Variants in APOBEC2 observed in about 807,000 individuals in gnomAD.
The protein encoded by APOBEC2 is C->U-editing enzyme APOBEC-2.
In APOBEC2, 14 loss-of-function variants were observed where a neutral mutation model predicts 19.4. The observed-to-expected ratio is 0.72, with a 90% confidence interval of 0.48 to 1.13. APOBEC2 has a LOEUF of 1.13. Among genes scored for constraint, APOBEC2 ranks in the 50% most tolerant of loss-of-function variants. APOBEC2 has a pLI of 0.00. For synonymous variants in APOBEC2, 127 were observed against 112.1 expected (o/e 1.13, Z -0.84); for missense variants, 304 against 277.0 (o/e 1.10, Z -0.69).
At chr6:41,056,072 C>T (rs1762790485) in intron 1 of APOBEC2, among the ~76,000 whole-genome samples, 1 of 152,168 alleles carries the variant, frequency 6.6e-6, no homozygotes, top group African/African-American at 2.4e-5. Flanking sequence ...CTGAAGGATA[C>T]AATTTGAGGC....
chr6:41,057,889 T>C (rs1299899131), intron 1 of APOBEC2, among the ~76,000 whole-genome samples: 1 of 152,186 alleles, frequency 6.6e-6, no homozygotes, highest in Non-Finnish European at 1.5e-5. Context: ...TTCCCAATTT[T>C]TTTTCTAGAT....
At chr6:41,053,557 T>C in intron 1 of APOBEC2, 79 bp downstream of exon 1, 3 of 1,582,296 alleles carry the variant, frequency 1.9e-6, no homozygotes, top group Non-Finnish European at 2.6e-6. Context: ...TTCAGGATGG[T>C]TATATTAGGC....
intron 2 of APOBEC2, among the ~76,000 whole-genome samples, chr6:41,063,126 T>C (rs73733358): frequency 0.028 from 4,235 of 152,280 alleles, 152 homozygotes; most frequent in East Asian, 0.099. Flanking sequence ...TGGCAGGTGT[T>C]TTCTATTAGA....
At chr6:41,062,487 C>T (rs2268190) in intron 2 of APOBEC2, among the ~76,000 whole-genome samples, 59,835 of 152,088 alleles carry the variant, frequency 0.39, 12,409 homozygotes, top group African/African-American at 0.52. Context: ...AGGAGACCAA[C>T]AATTGCTGTG....
intron 1 of APOBEC2, among the ~76,000 whole-genome samples, chr6:41,056,601 G>A (rs2268195): frequency 0.39 from 59,164 of 152,104 alleles, 12,161 homozygotes; most frequent in African/African-American, 0.51. Context: ...AACCAGAGAG[G>A]ATTCTTTTTA....
At chr6:41,058,808 TTTAGTC>T (rs888930600) in intron 1 of APOBEC2, among the ~76,000 whole-genome samples, 13 of 152,166 alleles carry the variant, frequency 8.5e-5, no homozygotes, top group African/African-American at 3.1e-4. Context: ...ATCAAGCAAG[TTTAGTC>T]TCTGAGCAAG....
At chr6:41,055,802 G>A (rs867868881) in intron 1 of APOBEC2, among the ~76,000 whole-genome samples, 5 of 152,234 alleles carry the variant, frequency 3.3e-5, no homozygotes, top group South Asian at 4.1e-4. Context: ...CTGCCGTAGC[G>A]TGCTGAAGCC....
chr6:41,061,438 G>T lies in APOBEC2; in HGVS notation c.242G>T (p.Gly81Val), dbSNP rs774303885. The T allele has an allele frequency of 1.9e-6, 3 of 1,612,990 alleles. No individual in the cohort carries two copies. In the South Asian group the frequency reaches 3.3e-5, roughly 18 times the overall value. The change falls in exon 2 of 3, where the codon GGC (glycine) becomes GTC (valine). Residue 81 changes from glycine (G) to valine (V), a missense_variant. Transcript: ENST00000244669. The part of the protein sequence containing the change: ...CYVVEAQGKG[G>V]QVQASRGYLE... ...GTGGTTGAAGCACAGGGCAAGGGGG[G>T]CCAAGTGCAGGCATCTCGGGGATAC...
intron 1 of APOBEC2, among the ~76,000 whole-genome samples, chr6:41,057,135 A>C (rs967958645): frequency 1.3e-5 from 2 of 152,196 alleles, no homozygotes; most frequent in Admixed American, 1.3e-4. Flanking sequence ...ACACAGAGTG[A>C]TTCTTCTTCT....
In APOBEC2 at chr6:41,061,735, A is replaced by T; in HGVS notation, c.539A>T (p.Lys180Met). ...KEAGCKLRIMKPQDFEYVWQN... is the reference protein window; with the variant it reads ...KEAGCKLRIMMPQDFEYVWQN... Reference sequence around the variant, plus strand: ...GCTGGCTGTAAACTGCGCATCATGAAGCCCCAGGACTTCGAATATGTCTGG... The same window carrying T: ...GCTGGCTGTAAACTGCGCATCATGATGCCCCAGGACTTCGAATATGTCTGG... Residue 180 changes from lysine (K) to methionine (M), a missense_variant, in exon 2 of 3, where the codon AAG (lysine) becomes ATG (methionine). Transcript: ENST00000244669. 1 of 1,614,220 alleles carries T rather than the reference A, an allele frequency of 6.2e-7. No individual in the cohort carries two copies. The highest frequency in any genetic ancestry group is 8.5e-7 in the Non-Finnish European group (1 of 1,180,038).
At chr6:41,057,000 A>G (rs966336651) in intron 1 of APOBEC2, among the ~76,000 whole-genome samples, 4 of 152,136 alleles carry the variant, frequency 2.6e-5, no homozygotes, top group African/African-American at 7.2e-5. Context: ...GTGAGAAGTG[A>G]CTGTGGCTCT....
At chr6:41,057,155 T>C (rs1454457048) in intron 1 of APOBEC2, among the ~76,000 whole-genome samples, 1 of 152,212 alleles carries the variant, frequency 6.6e-6, no homozygotes, top group Non-Finnish European at 1.5e-5. Flanking sequence ...TAACCACTTC[T>C]TTAGCTACCA....
chr6:41,062,942 C>T (rs901962799), intron 2 of APOBEC2, among the ~76,000 whole-genome samples: 1 of 152,126 alleles, frequency 6.6e-6, no homozygotes. Flanking sequence ...GGGGTACTCA[C>T]GACACTCTTA....
At chr6:41,061,078 C>A (rs906706330) in intron 1 of APOBEC2, among the ~76,000 whole-genome samples, 4 of 151,606 alleles carry the variant, frequency 2.6e-5, no homozygotes, top group African/African-American at 9.7e-5. Flanking sequence ...GAGACAATGT[C>A]CTAGTAGGGT....
In APOBEC2 at chr6:41,064,511, G is replaced by T. The variant is rs1300790562; in HGVS notation, c.*432G>T. ...GCAACATTAATAAAAGAAGTGGTGTGTTTTTCCCGTGGCCAGATTTTTAAG... is the reference window on the plus strand; with the variant it reads ...GCAACATTAATAAAAGAAGTGGTGTTTTTTTCCCGTGGCCAGATTTTTAAG... On this transcript the variant is annotated 3_prime_UTR_variant, in exon 3 of 3. Coordinates refer to ENST00000244669, the MANE Select transcript of APOBEC2 (RefSeq NM_006789.4). The T allele has an allele frequency of 2.0e-5, 3 of 152,150 alleles. No individual in the cohort carries two copies. Among genetic ancestry groups the T allele is most frequent in the African/African-American group, 7.2e-5 (3 of 41,422 alleles). 9.4% of individuals were successfully genotyped at this position (152,150 alleles called of 1,614,324 possible). A position where few individuals can be genotyped will look rare whatever the true frequency, so the allele number is the denominator to read the frequency against.
Position 41,061,791 on chromosome 6 carries a change from T to C in APOBEC2, c.595T>C (p.Ser199Pro), listed in dbSNP as rs114127156. 4.2e-3 allele frequency: 6,845 copies of C among 1,614,136 alleles called. 206 individuals are homozygous for C. In the African/African-American group the frequency reaches 0.071, roughly 17 times the overall value. Residue 199 changes from serine to proline, a missense_variant, in exon 2 of 3, where the codon TCC (serine) becomes CCC (proline). Ser to Pro is a moderately conservative substitution (Grantham distance 74). Transcript: ENST00000244669. The stretch of plus-strand genomic sequence containing the variant: ...TTTTGTGGAGCAAGAAGAGGGTGAA[T>C]CCAAGGCCTTTCAGCCCTGGGAGGA... ...QNFVEQEEGE[S>P]KAFQPWEDIQ...
chr6:41,053,270 G>C lies in APOBEC2; in HGVS notation c.-78G>C. 6.5e-7 allele frequency: 1 copy of C among 1,543,650 alleles called. No homozygotes were observed. The highest frequency in any genetic ancestry group is 2.3e-5 in the East Asian group (1 of 44,086). ...GATTTAGCTGCTGACAGCTGCTTGG[G>C]ACTCTGCCGCCAGGGCCTGGCCCAG... On this transcript the variant is annotated 5_prime_UTR_variant, in exon 1 of 3. Transcript: ENST00000244669.
chr6:41,061,929 T>C, intron 2 of APOBEC2, 37 bp downstream of exon 2: 1 of 1,536,782 alleles, frequency 6.5e-7, no homozygotes, highest in Non-Finnish European at 8.8e-7. Flanking sequence ...AACACTTTAT[T>C]ATGTTAACTC....
chr6:41,061,271 G>C (rs1320593420), intron 1 of APOBEC2, 57 bp from the exon 2 acceptor site: 1 of 1,483,016 alleles, frequency 6.7e-7, no homozygotes, highest in African/African-American at 1.4e-5. Flanking sequence ...CTCTAGGCTG[G>C]TTCTAGAAAC....
Sources: allele counts gnomAD v4.1 joint callset (sites outside exome capture counted in the v4.1 genomes callset), GRCh38; gene constraint gnomAD v4.1.1; transcripts MANE v1.5; gene names NCBI Gene and HGNC (gene_info 2026-07-23, HGNC 2026-07-21).